The following MAP3K9 variants were observed in gnomAD, a reference collection of about 807,000 sequenced individuals.
The protein encoded by MAP3K9 is mitogen-activated protein kinase kinase kinase 9, also known as mixed lineage kinase 1 (tyr and ser/thr specificity).
MAP3K9 carries 46 observed loss-of-function variants against 95.8 expected under a neutral mutation model. That is an observed-to-expected ratio of 0.48 (90% CI 0.38 to 0.61). The LOEUF is 0.61. Ranked by LOEUF, MAP3K9 falls within the 20% of genes least tolerant of loss-of-function variation. The pLI is 0.00. For missense variants in MAP3K9, 1,296 were observed against 1,474.3 expected (o/e 0.88, Z 1.98); for synonymous variants, 533 against 593.8 (o/e 0.90, Z 1.49).
chr14:70,763,370 T>C (rs549887092), intron 2 of MAP3K9, among the ~76,000 whole-genome samples: 5 of 152,316 alleles, frequency 3.3e-5, no homozygotes, highest in African/African-American at 1.2e-4. Flanking sequence ...ATGGCAGCTG[T>C]CATAATGTCA....
At position 70,730,229 on chromosome 14, in the gene MAP3K9, CCT is replaced by C. The variant is rs770678449; in HGVS notation, c.*149_*150del. The C allele has an allele frequency of 8.4e-7, 1 of 1,194,498 alleles. No homozygotes were observed. Among genetic ancestry groups the C allele is most frequent in the Non-Finnish European group, 1.2e-6 (1 of 869,012 alleles). The allele number at this position is 1,194,498 out of a possible 1,614,324, so 74.0% of individuals were successfully genotyped here. On this transcript the variant is annotated 3_prime_UTR_variant, in exon 12 of 12. Coordinates refer to ENST00000554752, the MANE Select transcript of MAP3K9 (RefSeq NM_001284230.2). The stretch of plus-strand genomic sequence containing the variant: ...AGGGCAGGAGACCCTCTGAAGTGGC[CCT>C]GTTTCCATCCCTTCCATCTTCAAAG...
intron 5 of MAP3K9, among the ~76,000 whole-genome samples, chr14:70,746,272 T>G (rs2054145486): frequency 6.6e-6 from 1 of 152,200 alleles, no homozygotes; most frequent in Non-Finnish European, 1.5e-5. Context: ...TTAGAAACAG[T>G]AGGTTGATCC....
intron 2 of MAP3K9, among the ~76,000 whole-genome samples, chr14:70,781,633 A>T (rs2054677541): frequency 6.6e-6 from 1 of 152,230 alleles, no homozygotes; most frequent in African/African-American, 2.4e-5. Flanking sequence ...TTTACTGAGC[A>T]TTTACTTTGT....
chr14:70,793,732 G>A (rs565866506), intron 2 of MAP3K9, among the ~76,000 whole-genome samples: 1 of 152,176 alleles, frequency 6.6e-6, no homozygotes, highest in Non-Finnish European at 1.5e-5. Context: ...CTGGAACTAT[G>A]CTGGGAGCTA....
chr14:70,742,749 C>A (rs2054090871), intron 5 of MAP3K9, among the ~76,000 whole-genome samples, 158 bp from the exon 6 acceptor site: 1 of 151,896 alleles, frequency 6.6e-6, no homozygotes. Flanking sequence ...GGTAAATGAA[C>A]ATTAGACCAC....
Position 70,768,287 on chromosome 14 carries a change from C to A in MAP3K9, c.821-7105G>T, listed in dbSNP as rs192728002. Among the ~76,000 whole-genome samples the A allele has an allele frequency of 2.3e-4, 35 of 151,692 alleles. No individual in the cohort carries two copies. The East Asian group carries it at 6.8e-3, about 29-fold the overall frequency. On this transcript the variant is annotated intron_variant, in intron 2 of 11. Coordinates refer to ENST00000554752, the MANE Select transcript of MAP3K9 (RefSeq NM_001284230.2). ...CAAAAATATATACACCTATTATGTA[C>A]CCACAAAAATTAAAAATTAAAAAAA...
rs2054368309 is a variant in MAP3K9, at chr14:70,761,097, G to A, written c.906C>T (p.His302=). The change falls in exon 3 of 12, where the codon CAC becomes CAT. Residue 302 remains histidine (H), a synonymous_variant. Coordinates refer to ENST00000554752, the MANE Select transcript of MAP3K9 (RefSeq NM_001284230.2). ...CTGCCGCACTCATCTTGGTGGTTCG[G>A]TGCCATTCCCGAGCCAGGCCAAAAT... ...ITDFGLAREW[H]RTTKMSAAGT... 1.9e-6 allele frequency: 3 copies of A among 1,613,956 alleles called. No homozygotes were observed. The highest frequency in any genetic ancestry group is 1.1e-5 in the South Asian group (1 of 91,076).
At chr14:70,807,677 C>CA (rs2055004787) in intron 1 of MAP3K9, among the ~76,000 whole-genome samples, 1 of 151,982 alleles carries the variant, frequency 6.6e-6, no homozygotes, top group African/African-American at 2.4e-5. Context: ...GTAATTAATA[C>CA]ATATTAACAA....
rs1234682996 is a variant in MAP3K9 at position 70,809,477 on chromosome 14, C to CCCG, written c.-309_-307dup. The CCCG allele has an allele frequency of 6.4e-3, 1,293 of 203,432 alleles. 8 individuals are homozygous for CCCG. The highest frequency in any genetic ancestry group is 8.0e-3 in the Non-Finnish European group (812 of 101,856). 12.6% of individuals were successfully genotyped at this position (203,432 alleles called of 1,614,324 possible). A position where few individuals can be genotyped will look rare whatever the true frequency, so the allele number is the denominator to read the frequency against. ...CCGGTACCTGCTCGCGCAGCCGGTG[C>CCCG]CCGCCGCTGCCAGCCGGCCGCCGCT... is the stretch of plus-strand genomic sequence containing the variant. On this transcript the variant is annotated 5_prime_UTR_variant, in exon 1 of 12. Coordinates refer to ENST00000554752, the MANE Select transcript of MAP3K9 (RefSeq NM_001284230.2).
rs2054921924 is a variant in MAP3K9, at chr14:70,800,901, CG to C, written c.585del (p.Phe195LeufsTer4). ...IENVRQEAKL[F>X]AMLKHPNIIA... ...ATGATGTTGGGGTGCTTCAGCATGG[CG>C]AAGAGCTTGGCCTCTTGGCGAACAT... is the stretch of plus-strand genomic sequence containing the variant. On this transcript the variant is annotated frameshift_variant, in exon 2 of 12. Coordinates refer to ENST00000554752, the MANE Select transcript of MAP3K9 (RefSeq NM_001284230.2). LOFTEE classifies it high-confidence loss of function. 1 of 1,614,042 alleles carries C rather than the reference CG, an allele frequency of 6.2e-7. No homozygotes were observed. The highest frequency in any genetic ancestry group is 8.5e-7 in the Non-Finnish European group (1 of 1,180,036).
At position 70,732,703 on chromosome 14, in the gene MAP3K9, T is replaced by C. The variant is rs375220969; in HGVS notation, c.2666A>G (p.Lys889Arg). The C allele has an allele frequency of 3.1e-6, 5 of 1,601,612 alleles. No homozygotes were observed. The highest frequency in any genetic ancestry group is 1.3e-5 in the African/African-American group (1 of 74,678). Residue 889 changes from lysine (K) to arginine (R), a missense_variant, in exon 11 of 12, where the codon AAA becomes AGA. Lys to Arg is a conservative substitution (Grantham distance 26). Around this residue, in one of 5 missense-constraint regions of MAP3K9, gnomAD observed 433 missense variants for 441.4 expected, o/e 0.98. Transcript: ENST00000554752. ...AGTCAGAGATTGGTTAGGATCTCGT[T>C]TGAAGCGCTCTACTCGGACATTGAC... ...PLVNVRVERF[K>R]RDPNQSLTPT...
At chr14:70,786,720 C>G (rs913159307) in intron 2 of MAP3K9, among the ~76,000 whole-genome samples, 11 of 152,152 alleles carry the variant, frequency 7.2e-5, no homozygotes, top group African/African-American at 2.2e-4. Flanking sequence ...ATCAGGATGA[C>G]CTTAGGCAAG....
intron 5 of MAP3K9, among the ~76,000 whole-genome samples, chr14:70,748,222 G>C (rs1185239321): frequency 6.6e-6 from 1 of 151,980 alleles, no homozygotes; most frequent in Non-Finnish European, 1.5e-5. Flanking sequence ...AGTTGCATGT[G>C]ACTGGCTTCA....
chr14:70,754,896 G>A (rs930096877), intron 3 of MAP3K9, among the ~76,000 whole-genome samples: 9 of 152,270 alleles, frequency 5.9e-5, no homozygotes, highest in East Asian at 1.9e-4. Flanking sequence ...CCCACACAGC[G>A]CAAAGAAAGG....
In MAP3K9 at chr14:70,743,512, GA is replaced by G. The variant is rs201887598; in HGVS notation, c.1327-922del. 9.5e-3 allele frequency among the ~76,000 whole-genome samples: 1,352 copies of G among 141,836 alleles called. 8 individuals are homozygous for G. Among genetic ancestry groups the G allele is most frequent in the Non-Finnish European group, 0.014 (893 of 64,724 alleles). The allele number at this position is 141,836 out of a possible 152,430, so 93.0% of individuals were successfully genotyped here. Reference sequence around the variant, plus strand: ...ACAAAGAACTTAAACAAATTTACAAGAAAAAAAAAAACCCCATCAAAAAGTG... The same window carrying G: ...ACAAAGAACTTAAACAAATTTACAAGAAAAAAAAAACCCCATCAAAAAGTG... On this transcript the variant is annotated intron_variant, in intron 5 of 11. Transcript: ENST00000554752.
At chr14:70,798,471 G>GTTTTGTT (rs2054889725) in intron 2 of MAP3K9, among the ~76,000 whole-genome samples, 1 of 65,438 alleles carries the variant, frequency 1.5e-5, no homozygotes, top group Admixed American at 2.3e-4. Flanking sequence ...GTCACCAAAA[G>GTTTTGTT]TTTTTTTTTT....
chr14:70,759,958 G>A (rs773203904), intron 3 of MAP3K9, among the ~76,000 whole-genome samples: 6 of 152,022 alleles, frequency 3.9e-5, no homozygotes, highest in Non-Finnish European at 5.9e-5. Context: ...GTCTCGCTAT[G>A]TTGCCCAGGC....
Position 70,742,804 on chromosome 14 carries a change from G to C in MAP3K9, c.1327-213C>G, listed in dbSNP as rs1448806138. 7.2e-5 allele frequency among the ~76,000 whole-genome samples: 11 copies of C among 151,978 alleles called. No homozygotes were observed. The South Asian group carries it at 1.7e-3, about 23-fold the overall frequency. ...AAGGCTCAGAACAGCCATACTGACG[G>C]GACAGTCAGAGAAGATAAAGCCATA... On this transcript the variant is annotated intron_variant, in intron 5 of 11. Coordinates refer to ENST00000554752, the MANE Select transcript of MAP3K9 (RefSeq NM_001284230.2).
chr14:70,760,765 C>G (rs1420962084), intron 3 of MAP3K9, among the ~76,000 whole-genome samples: 1 of 152,142 alleles, frequency 6.6e-6, no homozygotes, highest in Non-Finnish European at 1.5e-5. Flanking sequence ...TCCTAGGGAG[C>G]AATCACCAGC....
Sources: gnomAD v4.1 joint callset for allele counts (sites outside exome capture counted in the v4.1 genomes callset) on GRCh38, gnomAD v4.1.1 for gene constraint, gnomAD v4.1.1 regional missense constraint, MANE v1.5 for transcripts, NCBI Gene and HGNC (gene_info 2026-07-23, HGNC 2026-07-21) for gene names.